The following STAG3 variants were observed in gnomAD, a reference collection of about 807,000 sequenced individuals.
STAG3 encodes the protein cohesin subunit SA-3.
In STAG3, 101 loss-of-function variants were observed where a neutral mutation model predicts 160.7. That is an observed-to-expected ratio of 0.63 (90% confidence interval 0.54 to 0.74). STAG3 has a LOEUF of 0.74. Among genes scored for constraint, STAG3 ranks in the 30% least tolerant of loss-of-function variants. The pLI is 0.00. For missense variants in STAG3, 1,188 were observed against 1,517.4 expected, an observed-to-expected ratio of 0.78 and a Z score of 3.61; for synonymous variants, 519 against 585.0, an observed-to-expected ratio of 0.89 and a Z score of 1.63.
In STAG3 at chr7:100,178,729, G is replaced by A. The variant is rs561481087; in HGVS notation, c.-65+724G>A. ...GCGGGAGCACTGTGCACCACGCCTC[G>A]GCTTTTGGAGAGCAATTCCAAACCC... is the stretch of plus-strand genomic sequence containing the variant. On this transcript the variant is annotated intron_variant, in intron 1 of 33. Coordinates refer to ENST00000615138, the MANE Select transcript of STAG3 (RefSeq NM_001282717.2). Among the ~76,000 whole-genome samples the A allele has an allele frequency of 3.9e-5, 6 of 151,938 alleles. 1 individual carries two copies. Among genetic ancestry groups the A allele is most frequent in the East Asian group, 1.9e-4 (1 of 5,172 alleles).
In STAG3 at chr7:100,211,120, G is replaced by A. The variant is rs1162262519; in HGVS notation, c.3348G>A (p.Arg1116=). The change falls in exon 30 of 34, where the codon AGG becomes AGA. Residue 1116 remains arginine, a synonymous_variant. Coordinates refer to ENST00000615138, the MANE Select transcript of STAG3 (RefSeq NM_001282717.2). ...TCACCTCCACAGCTGTGAAGAGCAG[G>A]CAGCCCCTGTGGGGGTTGAAAGAGA... ...PTLTSTAVKS[R]QPLWGLKEME... 6.2e-7 allele frequency: 1 copy of A among 1,611,696 alleles called. No homozygotes were observed. Among genetic ancestry groups the A allele is most frequent in the South Asian group, 1.1e-5 (1 of 90,664 alleles).
rs1384703853 is a variant in STAG3 at position 100,211,032 on chromosome 7, A to G, written c.3260A>G (p.Glu1087Gly). The G allele has an allele frequency of 6.2e-7, 1 of 1,613,782 alleles. No individual in the cohort carries two copies. The highest frequency in any genetic ancestry group is 8.5e-7 in the Non-Finnish European group (1 of 1,179,902). The change falls in exon 30 of 34, where the codon GAG becomes GGG. Residue 1087 changes from glutamate (E) to glycine (G), a missense_variant. Transcript: ENST00000615138. ...GCAGGGCCTGCCAAGCCTAACAGAGAGGACGTCTCCTCGTCCCAGGAAGAA... is the reference window on the plus strand; with the variant it reads ...GCAGGGCCTGCCAAGCCTAACAGAGGGGACGTCTCCTCGTCCCAGGAAGAA... ...RVEGPAKPNR[E>G]DVSSSQEESL...
In STAG3 at chr7:100,200,792, A is replaced by G. The variant is rs1435582421; in HGVS notation, c.1884A>G (p.Gln628=). Residue 628 remains glutamine (Q), a synonymous_variant, in exon 19 of 34, where the codon CAA becomes CAG. Coordinates refer to ENST00000615138, the MANE Select transcript of STAG3 (RefSeq NM_001282717.2). ...LEKHLELFLQ[Q]LQEVVVKHAE... ...AGCACCTGGAGCTGTTCCTGCAGCA[A>G]CTCCAGGAGGTGGTGGTGAAGCATG... is the stretch of plus-strand genomic sequence containing the variant. 4 of 1,613,898 alleles carry G rather than the reference A, an allele frequency of 2.5e-6. No individual in the cohort carries two copies. The highest frequency in any genetic ancestry group is 2.5e-6 in the Non-Finnish European group (3 of 1,179,956).
At chr7:100,196,434 C>A (rs1321213075) in intron 9 of STAG3, among the ~76,000 whole-genome samples, 1 of 152,040 alleles carries the variant, frequency 6.6e-6, no homozygotes, top group Non-Finnish European at 1.5e-5. Flanking sequence ...GCGCCCACCA[C>A]CATGCTTGGC....
At chr7:100,211,236 G>C in intron 30 of STAG3, 51 bp downstream of exon 30, 1 of 1,530,936 alleles carries the variant, frequency 6.5e-7, no homozygotes, top group Non-Finnish European at 8.8e-7. Context: ...TTGGTGTCTG[G>C]CTGCCTCCAT....
chr7:100,192,995 T>C (rs576555435), intron 8 of STAG3, among the ~76,000 whole-genome samples: 1 of 152,326 alleles, frequency 6.6e-6, no homozygotes, highest in East Asian at 1.9e-4. Context: ...GAAGTTGAAA[T>C]TACTCCTTGT....
chr7:100,182,527 A>C (rs1286744023), intron 3 of STAG3, among the ~76,000 whole-genome samples, 196 bp from the exon 4 acceptor site: 1 of 152,072 alleles, frequency 6.6e-6, no homozygotes, highest in Non-Finnish European at 1.5e-5. Context: ...GGACTCAAGG[A>C]CTTTTTTTTT....
rs1010664016 is a variant in STAG3 at position 100,207,960 on chromosome 7, C to T, written c.3238+2576C>T. Among the ~76,000 whole-genome samples, 2 of 152,026 alleles carry T rather than the reference C, an allele frequency of 1.3e-5. No homozygotes were observed. Among genetic ancestry groups the T allele is most frequent in the Non-Finnish European group, 2.9e-5 (2 of 68,000 alleles). On this transcript the variant is annotated intron_variant, in intron 29 of 33. Transcript: ENST00000615138. This position sits in a 1 kb window ranked among gnomAD's most constrained non-coding sequence, Gnocchi z 4.0. ...TGAAACCCCGTCTCTACTAAAAATA[C>T]AAAAAATTAGCCAGGCATGATGGTG...
At chr7:100,189,728 C>T in intron 8 of STAG3, 132 bp downstream of exon 8, 3 of 1,045,216 alleles carry the variant, frequency 2.9e-6, no homozygotes, top group Non-Finnish European at 4.2e-6. Flanking sequence ...GTTTCATAGA[C>T]CCATCCTGTA....
intron 25 of STAG3, among the ~76,000 whole-genome samples, chr7:100,203,414 C>G (rs928484183): frequency 6.6e-6 from 1 of 152,078 alleles, no homozygotes; most frequent in Non-Finnish European, 1.5e-5. Flanking sequence ...ATCTCCTGAC[C>G]TTGTGATCCG....
chr7:100,183,685 C>T (rs934161161), intron 4 of STAG3, among the ~76,000 whole-genome samples: 1 of 152,154 alleles, frequency 6.6e-6, no homozygotes, highest in East Asian at 1.9e-4. Context: ...CTCCTTATTA[C>T]CCACAGGTAA....
chr7:100,190,479 G>T, intron 8 of STAG3, among the ~76,000 whole-genome samples: 1 of 152,176 alleles, frequency 6.6e-6, no homozygotes, highest in East Asian at 1.9e-4. Context: ...TTGTCAGGTT[G>T]ATCTTAAAAG....
In STAG3 at chr7:100,198,514, C is replaced by G; in HGVS notation, c.1284C>G (p.Ser428Arg). The G allele has an allele frequency of 6.2e-7, 1 of 1,614,196 alleles. No homozygotes were observed. The highest frequency in any genetic ancestry group is 1.1e-5 in the South Asian group (1 of 91,080). ...EGVLTDADCE[S>R]VYPVVYASHR... ...TGCTGACGGACGCGGATTGTGAGAGCGTCTACCCAGTTGTGTATGCCTCTC... is the reference window on the plus strand; with the variant it reads ...TGCTGACGGACGCGGATTGTGAGAGGGTCTACCCAGTTGTGTATGCCTCTC... The change falls in exon 13 of 34, where the codon AGC becomes AGG. Residue 428 changes from serine to arginine, a missense_variant. This residue lies in a region of STAG3 where 240 missense variants were observed against 358.1 expected (regional missense o/e 0.67). Coordinates refer to ENST00000615138, the MANE Select transcript of STAG3 (RefSeq NM_001282717.2).
intron 1 of STAG3, among the ~76,000 whole-genome samples, chr7:100,179,839 G>A (rs1159185168): frequency 3.3e-5 from 5 of 152,072 alleles, no homozygotes; most frequent in East Asian, 1.9e-4. Flanking sequence ...AGGTTCAAGC[G>A]ATTCTCCTGC....
rs750709018 is a variant in STAG3 at position 100,201,808 on chromosome 7, T to C, written c.2243T>C (p.Leu748Pro). The change falls in exon 22 of 34, where the codon CTT becomes CCT. Residue 748 changes from leucine (L) to proline (P), a missense_variant. Around this residue, in one of 4 missense-constraint regions of STAG3, gnomAD observed 647 missense variants for 717.2 expected, o/e 0.90. Transcript: ENST00000615138. ...PHQVILPALT[L>P]VYFSILWTLT... ...CAGGTTATCCTGCCAGCCTTGACTC[T>C]TGTCTATTTTTCCATTCTCTGGACA... 1.9e-6 allele frequency: 3 copies of C among 1,614,054 alleles called. No individual in the cohort carries two copies. The highest frequency in any genetic ancestry group is 1.3e-5 in the African/African-American group (1 of 74,920).
chr7:100,195,220 T>C (rs1800606286), intron 8 of STAG3, 89 bp from the exon 9 acceptor site: 1 of 1,088,726 alleles, frequency 9.2e-7, no homozygotes, highest in Admixed American at 1.8e-5. Context: ...AAACAGGAAG[T>C]AGGTGGAAGT....
intron 26 of STAG3, 75 bp downstream of exon 26, chr7:100,204,197 G>C: frequency 1.7e-6 from 2 of 1,175,056 alleles, no homozygotes; most frequent in East Asian, 2.4e-5. Flanking sequence ...CACTCAGAAT[G>C]TAAGATCCTT....
chr7:100,213,192 C>A, intron 32 of STAG3: 1 of 477,084 alleles, frequency 2.1e-6, no homozygotes, highest in Non-Finnish European at 2.8e-6. Flanking sequence ...ATTCATCCAT[C>A]CATGAGGGCT....
chr7:100,178,044 C>A (rs1350048699), intron 1 of STAG3, 39 bp downstream of exon 1: 2 of 140,902 alleles, frequency 1.4e-5, no homozygotes, highest in Non-Finnish European at 3.1e-5. Context: ...CCAGAAGTCA[C>A]TCTTCCAGGC....
Sources: allele counts gnomAD v4.1 joint callset (sites outside exome capture counted in the v4.1 genomes callset), GRCh38; gene constraint gnomAD v4.1.1; regional missense constraint gnomAD v4.1.1; non-coding constraint Gnocchi (gnomAD v3.1); transcripts MANE v1.5; gene names NCBI Gene and HGNC (gene_info 2026-07-23, HGNC 2026-07-21).